SDK2: variants seen among roughly 807,000 people sequenced by gnomAD.
SDK2 encodes the protein protein sidekick-2.
Under a neutral mutation model 253.9 loss-of-function variants are expected in SDK2, and 105 were observed. The observed-to-expected ratio is 0.41, with a 90% CI of 0.35 to 0.49. SDK2 has a LOEUF of 0.49. Ranked by LOEUF, SDK2 falls within the 20% of genes least tolerant of loss-of-function variation. The pLI is 0.06. For missense variants in SDK2, 2,608 were observed against 3,003.0 expected (o/e 0.87, Z 3.07); for synonymous variants, 1,249 against 1,234.9 (o/e 1.01, Z -0.24).
intron 2 of SDK2, among the ~76,000 whole-genome samples, chr17:73,501,021 A>T (rs7220038): frequency 0.73 from 111,237 of 152,140 alleles, 40,866 homozygotes; most frequent in African/African-American, 0.8. Context: ...TTAAGCTGAA[A>T]GGATTCAACC....
At chr17:73,604,862 C>A (rs1312400152) in intron 1 of SDK2, among the ~76,000 whole-genome samples, 1 of 152,158 alleles carries the variant, frequency 6.6e-6, no homozygotes, top group African/African-American at 2.4e-5. Flanking sequence ...ATGCCATCAG[C>A]ACAGTGATGG....
intron 1 of SDK2, among the ~76,000 whole-genome samples, chr17:73,611,370 T>C (rs1033466612): frequency 2.0e-5 from 3 of 152,226 alleles, no homozygotes; most frequent in African/African-American, 7.2e-5. Context: ...GGGACTGCTC[T>C]GACCAGTGTG....
intron 1 of SDK2, among the ~76,000 whole-genome samples, chr17:73,556,212 C>T (rs1031248095): frequency 6.6e-6 from 1 of 152,188 alleles, no homozygotes; most frequent in Non-Finnish European, 1.5e-5. Context: ...AGATGGGAAG[C>T]GGCAGGTTCT....
At chr17:73,600,628 T>C (rs1816312157) in intron 1 of SDK2, among the ~76,000 whole-genome samples, 1 of 152,104 alleles carries the variant, frequency 6.6e-6, no homozygotes, top group Admixed American at 6.5e-5. Context: ...CCCTGCCAGC[T>C]CCTCTCCTGC....
chr17:73,558,150 C>CAGGT (rs1009634111), intron 1 of SDK2, among the ~76,000 whole-genome samples: 4 of 152,230 alleles, frequency 2.6e-5, no homozygotes, highest in Non-Finnish European at 5.9e-5. Flanking sequence ...AGGAGGGGTG[C>CAGGT]AGGTCTGCTG....
At chr17:73,350,467 C>T in intron 42 of SDK2, 92 bp from the exon 43 acceptor site, 1 of 1,505,494 alleles carries the variant, frequency 6.6e-7, no homozygotes, top group Non-Finnish European at 8.9e-7. Context: ...CCCTCTTTCT[C>T]TTGGTAGAGT....
intron 43 of SDK2, among the ~76,000 whole-genome samples, chr17:73,349,237 CTCTT>C (rs1468374261): frequency 6.6e-6 from 1 of 152,214 alleles, no homozygotes; most frequent in Non-Finnish European, 1.5e-5. Context: ...CCTCAAACAG[CTCTT>C]TCTTTGGAAG....
chr17:73,608,176 T>G (rs1484790274), intron 1 of SDK2, among the ~76,000 whole-genome samples: 2 of 152,078 alleles, frequency 1.3e-5, no homozygotes, highest in East Asian at 3.9e-4. Flanking sequence ...CAGATGTGCC[T>G]GGTGTTGGAC....
At chr17:73,399,372 G>T in intron 21 of SDK2, 83 bp from the exon 22 acceptor site, 1 of 1,423,422 alleles carries the variant, frequency 7.0e-7, no homozygotes, top group Non-Finnish European at 9.8e-7. Flanking sequence ...CATGGAGGGG[G>T]CTGTGTGTCA....
At chr17:73,605,610 C>T (rs2045897600) in intron 1 of SDK2, among the ~76,000 whole-genome samples, 1 of 152,136 alleles carries the variant, frequency 6.6e-6, no homozygotes, top group South Asian at 2.1e-4. Context: ...CCAGCATCAC[C>T]TCCTCCAGGA....
rs749035192 is a variant in SDK2 at position 73,472,214 on chromosome 17, T to C, written c.229A>G (p.Met77Val). ...LTKFSLEYRY[M>V]ITSLDRTHAG... ...TGGGTGCGGTCCAGGCTGGTGATCA[T>C]GTATCTATGGGACAGACGAGACAGC... Residue 77 changes from methionine to valine, a missense_variant, in exon 3 of 45, where the codon ATG becomes GTG. Met to Val is a conservative substitution (Grantham distance 21). Coordinates refer to ENST00000392650, the MANE Select transcript of SDK2 (RefSeq NM_001144952.2). 3 of 1,551,068 alleles carry C rather than the reference T, an allele frequency of 1.9e-6. No homozygotes were observed. Among genetic ancestry groups the C allele is most frequent in the South Asian group, 1.2e-5 (1 of 84,048 alleles).
chr17:73,412,670 C>T (rs2063149171), intron 18 of SDK2, among the ~76,000 whole-genome samples: 1 of 152,124 alleles, frequency 6.6e-6, no homozygotes, highest in South Asian at 2.1e-4. Flanking sequence ...AATCCCAGCA[C>T]TCTGGGAGGC....
intron 2 of SDK2, among the ~76,000 whole-genome samples, chr17:73,499,976 T>G (rs1054393958): frequency 6.6e-6 from 1 of 152,064 alleles, no homozygotes; most frequent in African/African-American, 2.4e-5. Context: ...AGAATAATTA[T>G]GCCAGAAGGT....
intron 1 of SDK2, among the ~76,000 whole-genome samples, chr17:73,561,776 G>A (rs575282050): frequency 6.6e-6 from 1 of 152,312 alleles, no homozygotes; most frequent in East Asian, 1.9e-4. Context: ...AGCCGAATGA[G>A]GGACTGTGTG....
intron 36 of SDK2, among the ~76,000 whole-genome samples, chr17:73,374,519 G>T (rs771259986): frequency 7.0e-6 from 1 of 142,626 alleles, no homozygotes; most frequent in Non-Finnish European, 1.5e-5. Context: ...CCAGGCTGGA[G>T]TACAGTGGCG....
chr17:73,590,760 T>C (rs1567859990), intron 1 of SDK2, among the ~76,000 whole-genome samples: 1 of 152,120 alleles, frequency 6.6e-6, no homozygotes, highest in Non-Finnish European at 1.5e-5. Context: ...GGTTGCCAGG[T>C]AGAGGTTGTT....
intron 43 of SDK2, among the ~76,000 whole-genome samples, chr17:73,349,159 A>C (rs760639722): frequency 9.2e-5 from 14 of 152,254 alleles, no homozygotes; most frequent in Non-Finnish European, 1.3e-4. Flanking sequence ...TACATGTAGT[A>C]GGGCCCCGGA....
In SDK2 at chr17:73,368,528, C is replaced by G; in HGVS notation, c.5046G>C (p.Glu1682Asp). ...TERVKTLFLA[E>D]NSVKLKNLTG... ...TCAAGTTCTTGAGCTTCACGCTGTT[C>G]TCAGCCAGGAAAAGCGTCTTCACTC... The change falls in exon 37 of 45, where the codon GAG (glutamate) becomes GAC (aspartate). Residue 1682 changes from glutamate (E) to aspartate (D), a missense_variant. Coordinates refer to ENST00000392650, the MANE Select transcript of SDK2 (RefSeq NM_001144952.2). The G allele has an allele frequency of 6.2e-7, 1 of 1,610,008 alleles. No homozygotes were observed. Among genetic ancestry groups the G allele is most frequent in the Non-Finnish European group, 8.5e-7 (1 of 1,178,394 alleles).
In SDK2 at chr17:73,423,416, T is replaced by G. The variant is rs138278077; in HGVS notation, c.1867A>C (p.Ile623Leu). Residue 623 changes from isoleucine (I) to leucine (L), a missense_variant, in exon 14 of 45, where the codon ATC (isoleucine) becomes CTC (leucine). Coordinates refer to ENST00000392650, the MANE Select transcript of SDK2 (RefSeq NM_001144952.2). ...TKPFDGNSPL[I>L]RYILEMSENN... ...TCCGACATCTCCAGAATGTAGCGGA[T>G]CAGGGGGCTGTTGCCATCAAAGGGC... is the stretch of plus-strand genomic sequence containing the variant. The G allele has an allele frequency of 2.6e-6, 4 of 1,560,196 alleles. No homozygotes were observed. Among genetic ancestry groups the G allele is most frequent in the Non-Finnish European group, 3.5e-6 (4 of 1,150,976 alleles).
Sources: allele counts gnomAD v4.1 joint callset (sites outside exome capture counted in the v4.1 genomes callset), GRCh38; gene constraint gnomAD v4.1.1; transcripts MANE v1.5; gene names NCBI Gene and HGNC (gene_info 2026-07-23, HGNC 2026-07-21).